Variants in TNRC6A observed in about 807,000 individuals in gnomAD.
The protein encoded by TNRC6A is trinucleotide repeat-containing gene 6A protein.
Under a neutral mutation model 221.2 loss-of-function variants are expected in TNRC6A, and 44 were observed. The ratio of observed to expected loss-of-function variants is 0.20; its 90% CI spans 0.16 to 0.26. The LOEUF is 0.26. Among genes scored for constraint, TNRC6A ranks in the 10% least tolerant of loss-of-function variants. The pLI, the probability that TNRC6A is intolerant of heterozygous loss-of-function variation, is 1.00. For missense variants in TNRC6A, 2,199 were observed against 2,404.4 expected (o/e 0.91, Z 1.79); for synonymous variants, 847 against 838.5 (o/e 1.01, Z -0.18).
intron 18 of TNRC6A, among the ~76,000 whole-genome samples, chr16:24,813,128 C>T (rs1356066847): frequency 6.6e-6 from 1 of 152,048 alleles, no homozygotes; most frequent in Admixed American, 6.5e-5. Context: ...CCACCTGCTT[C>T]GGCCTCCCAA....
At chr16:24,778,343 G>T in intron 5 of TNRC6A, 1 of 984,754 alleles carries the variant, frequency 1.0e-6, no homozygotes, top group Non-Finnish European at 1.2e-6. Flanking sequence ...GTATTTCACA[G>T]TGAATAAGTA....
chr16:24,613,742 G>A (rs1294814456), intron 1 of TNRC6A, among the ~76,000 whole-genome samples: 2 of 151,710 alleles, frequency 1.3e-5, no homozygotes, highest in Non-Finnish European at 2.9e-5. Context: ...CGCCATGTTG[G>A]CCAGGCTAGT....
chr16:24,670,981 C>A (rs1037577634), intron 2 of TNRC6A: 5 of 408,932 alleles, frequency 1.2e-5, no homozygotes, highest in Non-Finnish European at 2.0e-5. Flanking sequence ...AGCATCTGGC[C>A]GTGATCCCAG....
At chr16:24,771,576 G>GTT (rs879538010) in intron 4 of TNRC6A, among the ~76,000 whole-genome samples, 8,436 of 113,254 alleles carry the variant, frequency 0.074, 412 homozygotes, top group Middle Eastern at 0.11. Flanking sequence ...GTTATGTTAT[G>GTT]TTATGTTGTT....
intron 2 of TNRC6A, among the ~76,000 whole-genome samples, chr16:24,693,034 C>A (rs73566418): frequency 4.7e-4 from 72 of 152,120 alleles, no homozygotes; most frequent in African/African-American, 1.7e-3. Context: ...TTTAATAAGC[C>A]GAATAATCCT....
At position 24,815,303 on chromosome 16, in the gene TNRC6A, C is replaced by G; in HGVS notation, c.4829C>G (p.Pro1610Arg). Residue 1610 changes from proline to arginine, a missense_variant and splice_region_variant, in exon 19 of 25, where the codon CCA becomes CGA. By Grantham distance (103) the Pro-to-Arg change is moderately radical. Coordinates refer to ENST00000395799, the MANE Select transcript of TNRC6A (RefSeq NM_014494.4). Reference protein sequence around the residue: ...PNGSSSVNWPPEFRPGEPWKG... With the variant: ...PNGSSSVNWPREFRPGEPWKG... ...GGCTCTAGCAGTGTTAATTGGCCACCAGGTAAAATTTTTTCTAACACTTTC... is the reference window on the plus strand; with the variant it reads ...GGCTCTAGCAGTGTTAATTGGCCACGAGGTAAAATTTTTTCTAACACTTTC... 6.2e-7 allele frequency: 1 copy of G among 1,614,114 alleles called. No individual in the cohort carries two copies. The highest frequency in any genetic ancestry group is 2.2e-5 in the East Asian group (1 of 44,880).
chr16:24,728,146 G>C (rs895486870), upstream of TNRC6A, among the ~76,000 whole-genome samples: 4 of 152,268 alleles, frequency 2.6e-5, no homozygotes, highest in South Asian at 6.2e-4. Context: ...AGAGATTCAA[G>C]CATGTTGTAA....
intron 2 of TNRC6A, among the ~76,000 whole-genome samples, chr16:24,720,113 T>A (rs545041328): frequency 2.0e-5 from 3 of 152,332 alleles, no homozygotes; most frequent in African/African-American, 7.2e-5. Context: ...GTTAAAGGTA[T>A]CAGGCTTTAA....
intron 1 of TNRC6A, among the ~76,000 whole-genome samples, chr16:24,635,237 T>G (rs1023504684): frequency 6.6e-6 from 1 of 151,650 alleles, no homozygotes; most frequent in Admixed American, 6.6e-5. Context: ...TTCATCTGGA[T>G]TGTTTTACTT....
At chr16:24,655,625 G>T (rs1246926896) in intron 2 of TNRC6A, among the ~76,000 whole-genome samples, 4 of 152,056 alleles carry the variant, frequency 2.6e-5, no homozygotes, top group African/African-American at 9.7e-5. Flanking sequence ...GGAGGCGGAG[G>T]TTGCGGTGAG....
Position 24,823,928 on chromosome 16 carries a change from A to G in TNRC6A, c.*121A>G. The G allele has an allele frequency of 9.3e-7, 1 of 1,074,928 alleles. No individual in the cohort carries two copies. The highest frequency in any genetic ancestry group is 1.2e-6 in the Non-Finnish European group (1 of 805,656). 66.6% of individuals were successfully genotyped at this position (1,074,928 alleles called of 1,614,324 possible). A position where few individuals can be genotyped will look rare whatever the true frequency, so the allele number is the denominator to read the frequency against. On this transcript the variant is annotated 3_prime_UTR_variant, in exon 25 of 25. Coordinates refer to ENST00000395799, the MANE Select transcript of TNRC6A (RefSeq NM_014494.4). The surrounding 1 kb of genome is among the most constrained non-coding windows in gnomAD (Gnocchi z 4.3). ...AACAGCTATTCTCTGCACATTTTCCACTTTGTTTTCCCCAAAACATATCAG... is the reference window on the plus strand; with the variant it reads ...AACAGCTATTCTCTGCACATTTTCCGCTTTGTTTTCCCCAAAACATATCAG...
At chr16:24,760,800 G>A (rs1018014975) in intron 4 of TNRC6A, among the ~76,000 whole-genome samples, 9 of 152,058 alleles carry the variant, frequency 5.9e-5, no homozygotes, top group African/African-American at 1.9e-4. Context: ...TCTCATATAC[G>A]CTTCATTCAG....
intron 2 of TNRC6A, chr16:24,663,797 C>A: frequency 2.5e-6 from 1 of 407,630 alleles, no homozygotes. Flanking sequence ...AGAGGTCAGG[C>A]TGATACAGCA....
chr16:24,656,728 G>A (rs1378708648), intron 2 of TNRC6A, among the ~76,000 whole-genome samples: 2 of 152,054 alleles, frequency 1.3e-5, no homozygotes, highest in Admixed American at 1.3e-4. Context: ...AAATTAAAAT[G>A]GCAGCTTCTG....
intron 1 of TNRC6A, among the ~76,000 whole-genome samples, chr16:24,612,948 A>G (rs537867096): frequency 6.6e-6 from 1 of 151,948 alleles, no homozygotes; most frequent in African/African-American, 2.4e-5. Context: ...AAGATATGAT[A>G]AGAATATATA....
At chr16:24,748,585 T>A (rs1254894402) in intron 2 of TNRC6A, among the ~76,000 whole-genome samples, 1 of 152,202 alleles carries the variant, frequency 6.6e-6, no homozygotes. Flanking sequence ...TAGCTGATTT[T>A]AGTAGTCCTA....
intron 5 of TNRC6A, among the ~76,000 whole-genome samples, chr16:24,786,786 G>A (rs1266332676): frequency 6.6e-6 from 1 of 152,022 alleles, no homozygotes; most frequent in Admixed American, 6.5e-5. Context: ...CGCGGTTTAA[G>A]CAATTCTGCC....
chr16:24,612,985 A>C (rs1355727139), intron 1 of TNRC6A, among the ~76,000 whole-genome samples: 2 of 151,708 alleles, frequency 1.3e-5, no homozygotes, highest in African/African-American at 4.8e-5. Flanking sequence ...GGTAGTTTAC[A>C]CCTGTAGTCC....
At chr16:24,613,288 T>TGAG (rs1900158680) in intron 1 of TNRC6A, among the ~76,000 whole-genome samples, 1 of 151,500 alleles carries the variant, frequency 6.6e-6, no homozygotes, top group Non-Finnish European at 1.5e-5. Context: ...GTGAAGGCCT[T>TGAG]GAGGAGGGCA....
Sources: allele counts gnomAD v4.1 joint callset (sites outside exome capture counted in the v4.1 genomes callset), GRCh38; gene constraint gnomAD v4.1.1; non-coding constraint Gnocchi (gnomAD v3.1); transcripts MANE v1.5; gene names NCBI Gene and HGNC (gene_info 2026-07-23, HGNC 2026-07-21).